The following PTPRD variants were observed in gnomAD, a reference collection of about 807,000 sequenced individuals.
PTPRD encodes protein tyrosine phosphatase receptor type D.
PTPRD carries 34 observed loss-of-function variants against 214.5 expected under a neutral mutation model. The observed-to-expected ratio is 0.16, with a 90% CI of 0.12 to 0.21. PTPRD has a LOEUF of 0.21. PTPRD is among the 10% of genes least tolerant of loss of function. The pLI, the probability that PTPRD is intolerant of heterozygous loss-of-function variation, is 1.00. For missense variants in PTPRD, 2,545 were observed against 2,398.7 expected (o/e 1.06, Z -1.27); for synonymous variants, 1,128 against 845.7 (o/e 1.33, Z -5.79).
chr9:9,484,240 T>A (rs2095535359), intron 8 of PTPRD, among the ~76,000 whole-genome samples: 1 of 151,952 alleles, frequency 6.6e-6, no homozygotes, highest in Non-Finnish European at 1.5e-5. Flanking sequence ...AACCTTCTGG[T>A]CATGTAAGTC....
chr9:9,124,913 G>T (rs995200398), intron 10 of PTPRD, among the ~76,000 whole-genome samples: 3 of 152,128 alleles, frequency 2.0e-5, no homozygotes, highest in African/African-American at 7.2e-5. Flanking sequence ...TCCAAACAAT[G>T]AAAATTCCAG....
intron 9 of PTPRD, among the ~76,000 whole-genome samples, chr9:9,283,408 A>C (rs1948410238): frequency 6.6e-6 from 1 of 151,506 alleles, no homozygotes; most frequent in Non-Finnish European, 1.5e-5. Flanking sequence ...TCTACAAATG[A>C]ACCCTTTACA....
intron 5 of PTPRD, among the ~76,000 whole-genome samples, chr9:9,876,718 A>C (rs2066981423): frequency 1.3e-5 from 2 of 152,144 alleles, no homozygotes; most frequent in South Asian, 2.1e-4. Context: ...GCTTTATACA[A>C]ATTCTATGTC....
At chr9:8,521,570 GATAAC>G (rs763510286) in intron 19 of PTPRD, 24 bp from the exon 20 acceptor site, 1 of 1,608,120 alleles carries the variant, frequency 6.2e-7, no homozygotes, top group Admixed American at 1.7e-5. Context: ...CAAGGGAAAT[GATAAC>G]ATATACAAGG....
In PTPRD at chr9:8,319,831, C is replaced by G; in HGVS notation, c.5670G>C (p.Glu1890Asp). ...CGAAAAATGCAATGGATTTTCTCAC[C>G]TCTGTCTGTACCATAGCTGGTCGTT... ...RTQRPAMVQT[E>D]DQYQFSYRAA... The change falls in exon 45 of 46, where the codon GAG becomes GAC. Residue 1890 changes from glutamate to aspartate, a missense_variant and splice_region_variant. By Grantham distance (45) the Glu-to-Asp change is conservative. Coordinates refer to ENST00000381196, the MANE Select transcript of PTPRD (RefSeq NM_002839.4). 1 of 1,612,342 alleles carries G rather than the reference C, an allele frequency of 6.2e-7. No individual in the cohort carries two copies.
intron 11 of PTPRD, among the ~76,000 whole-genome samples, chr9:8,753,932 G>A (rs2093754935): frequency 6.6e-6 from 1 of 151,990 alleles, no homozygotes; most frequent in African/African-American, 2.4e-5. Context: ...ATCACCTGAG[G>A]TCAGGAGTTC....
intron 12 of PTPRD, among the ~76,000 whole-genome samples, chr9:8,725,383 T>G (rs191468438): frequency 6.6e-6 from 1 of 152,338 alleles, no homozygotes; most frequent in African/African-American, 2.4e-5. Context: ...AGTAGTTAAC[T>G]CAATGCTTGG....
intron 12 of PTPRD, among the ~76,000 whole-genome samples, chr9:8,694,841 C>G (rs2097876686): frequency 6.6e-6 from 1 of 152,042 alleles, no homozygotes; most frequent in African/African-American, 2.4e-5. Context: ...TGTTCTCTTT[C>G]TTACTGTGGA....
intron 35 of PTPRD, among the ~76,000 whole-genome samples, chr9:8,432,973 A>G (rs1402460883): frequency 2.6e-5 from 4 of 152,258 alleles, no homozygotes; most frequent in Admixed American, 6.5e-5. Context: ...TAATGGCTAA[A>G]TGAGGATCAT....
At chr9:9,306,681 A>G (rs1229344742) in intron 9 of PTPRD, among the ~76,000 whole-genome samples, 1 of 151,868 alleles carries the variant, frequency 6.6e-6, no homozygotes. Context: ...GCCATTATTT[A>G]TGAAAGAAAA....
rs139185140 is a variant in PTPRD, at chr9:9,321,410, C to G, written c.-203+76039G>C. Among the ~76,000 whole-genome samples, 1,082 of 152,042 alleles carry G rather than the reference C, an allele frequency of 7.1e-3. 10 individuals carry two copies. The highest frequency in any genetic ancestry group is 0.025 in the African/African-American group (1,031 of 41,466). On this transcript the variant is annotated intron_variant, in intron 9 of 45. Transcript: ENST00000381196. ...ATCTCTACCAGAAATGCAAAATCAG[C>G]CGGGCGTGGTGGTGCATGCCTGTAA...
At chr9:9,874,137 G>T (rs533314648) in intron 5 of PTPRD, among the ~76,000 whole-genome samples, 148 of 152,228 alleles carry the variant, frequency 9.7e-4, no homozygotes, top group African/African-American at 3.3e-3. Context: ...AAAACAAAAA[G>T]AAGGGTAAAT....
intron 10 of PTPRD, among the ~76,000 whole-genome samples, chr9:9,036,960 G>A (rs1422613111): frequency 6.6e-6 from 1 of 152,150 alleles, no homozygotes; most frequent in Admixed American, 6.5e-5. Context: ...CCTTAAAAAT[G>A]AAAGTTAAAT....
intron 2 of PTPRD, among the ~76,000 whole-genome samples, chr9:10,403,844 A>C (rs748685669): frequency 5.3e-5 from 8 of 151,686 alleles, no homozygotes; most frequent in Non-Finnish European, 1.0e-4. Context: ...TGATTAGGAC[A>C]AAGGGAAGGA....
intron 11 of PTPRD, among the ~76,000 whole-genome samples, chr9:8,966,653 C>G (rs1367807504): frequency 1.3e-5 from 2 of 151,890 alleles, no homozygotes. Flanking sequence ...CTATAAGAAT[C>G]CTAGAAAAAA....
rs193277662 is a variant in PTPRD, at chr9:10,355,806, T to G, written c.-599-14789A>C. Among the ~76,000 whole-genome samples, 269 of 152,174 alleles carry G rather than the reference T, an allele frequency of 1.8e-3. 1 individual carries two copies. Among genetic ancestry groups the G allele is most frequent in the African/African-American group, 6.4e-3 (264 of 41,520 alleles). On this transcript the variant is annotated intron_variant, in intron 2 of 45. Transcript: ENST00000381196. ...GCTATATTTCAATCCTTTAAATATA[T>G]ACTTAAAACATAGAGTATGAAAGAA... is the stretch of plus-strand genomic sequence containing the variant.
chr9:8,623,776 AAAACAAATAGTGAAGTTAGGATTTG>A (rs747556266), intron 14 of PTPRD, among the ~76,000 whole-genome samples: 49 of 151,972 alleles, frequency 3.2e-4, no homozygotes, highest in Non-Finnish European at 6.3e-4. Flanking sequence ...CATTTGCCGC[AAAACAAATAGTGAAGTTAGGATTTG>A]AACTCGGGTC....
chr9:9,392,605 A>G (rs192297875), intron 9 of PTPRD, among the ~76,000 whole-genome samples: 2 of 152,238 alleles, frequency 1.3e-5, no homozygotes, highest in East Asian at 1.9e-4. Context: ...CTGTGACTCT[A>G]GGGTAATTTG....
chr9:9,093,370 G>A (rs578117934), intron 10 of PTPRD, among the ~76,000 whole-genome samples: 5 of 151,984 alleles, frequency 3.3e-5, no homozygotes, highest in East Asian at 1.9e-4. Context: ...ATCCAATAAC[G>A]GCAGACTACA....
Sources: gnomAD v4.1 joint callset for allele counts (sites outside exome capture counted in the v4.1 genomes callset) on GRCh38, gnomAD v4.1.1 for gene constraint, MANE v1.5 for transcripts, NCBI Gene and HGNC (gene_info 2026-07-23, HGNC 2026-07-21) for gene names.